Variants in SRGAP3 observed in about 807,000 individuals in gnomAD.
SRGAP3 encodes SLIT-ROBO Rho GTPase activating protein 3, also known as SLIT-ROBO Rho GTPase-activating protein 3.
Under a neutral mutation model 121.1 loss-of-function variants are expected in SRGAP3, and 39 were observed. The ratio of observed to expected loss-of-function variants is 0.32; its 90% CI spans 0.25 to 0.42. SRGAP3 has a LOEUF of 0.42. Among genes scored for constraint, SRGAP3 ranks in the 10% least tolerant of loss-of-function variants. The pLI, the probability that SRGAP3 is intolerant of heterozygous loss-of-function variation, is 1.00. For synonymous variants in SRGAP3, 601 were observed against 570.0 expected, an observed-to-expected ratio of 1.05 and a Z score of -0.77; for missense variants, 1,213 against 1,470.6, an observed-to-expected ratio of 0.82 and a Z score of 2.86.
chr3:8,998,011 A>G (rs1385429131), intron 18 of SRGAP3, among the ~76,000 whole-genome samples: 1 of 152,072 alleles, frequency 6.6e-6, no homozygotes, highest in Non-Finnish European at 1.5e-5. Context: ...CCTCCTGAGT[A>G]GCTGGGACCA....
chr3:9,176,167 G>T (rs1154384), intron 1 of SRGAP3, among the ~76,000 whole-genome samples: 31,195 of 152,028 alleles, frequency 0.21, 3,953 homozygotes, highest in Admixed American at 0.3. Context: ...TAATCCACCC[G>T]CCTCGGCCTC....
rs2292250 is a variant in SRGAP3 at position 9,047,494 on chromosome 3, A to G, written c.1324-19T>C. The G allele has an allele frequency of 0.055, 89,178 of 1,613,082 alleles. 3,013 individuals are homozygous for G. Among genetic ancestry groups the G allele is most frequent in the East Asian group, 0.12 (5,450 of 44,864 alleles). On this transcript the variant is annotated intron_variant, in intron 9 of 21. Transcript: ENST00000383836. ...TAAATTTCTGTAAGACACAAGGCACAAGGAAGTTATAGATTGCAAGGCCGA... is the reference window on the plus strand; with the variant it reads ...TAAATTTCTGTAAGACACAAGGCACGAGGAAGTTATAGATTGCAAGGCCGA...
chr3:9,002,476 T>C (rs1942827554), intron 18 of SRGAP3, among the ~76,000 whole-genome samples: 1 of 152,138 alleles, frequency 6.6e-6, no homozygotes, highest in Admixed American at 6.5e-5. Flanking sequence ...AATGCCTATA[T>C]TAGGGAAAAA....
At chr3:9,139,741 A>G (rs57885978) in intron 1 of SRGAP3, among the ~76,000 whole-genome samples, 5,220 of 152,320 alleles carry the variant, frequency 0.034, 265 homozygotes, top group African/African-American at 0.12. Context: ...GAAATCTCTG[A>G]AGAATTACAG....
chr3:9,122,636 G>A (rs1949052486), intron 2 of SRGAP3, among the ~76,000 whole-genome samples: 1 of 151,200 alleles, frequency 6.6e-6, no homozygotes, highest in Non-Finnish European at 1.5e-5. Flanking sequence ...TTGAACCTGG[G>A]AGGCGGAGCT....
chr3:9,125,042 C>T (rs1293470043), intron 1 of SRGAP3, 125 bp from the exon 2 acceptor site: 4 of 1,092,110 alleles, frequency 3.7e-6, no homozygotes, highest in Non-Finnish European at 5.4e-6. Flanking sequence ...CAGAGCCTCT[C>T]TGAGCCCAGC....
intron 1 of SRGAP3, chr3:9,236,141 T>G (rs1953401233): frequency 5.8e-6 from 1 of 171,276 alleles, no homozygotes; most frequent in Non-Finnish European, 1.3e-5. Context: ...ACCCTGACCC[T>G]TTTGTGACCC....
intron 3 of SRGAP3, among the ~76,000 whole-genome samples, chr3:9,278,694 G>A (rs568207061): frequency 1.9e-4 from 29 of 152,270 alleles, no homozygotes; most frequent in African/African-American, 6.3e-4. Flanking sequence ...CACAGCAGCC[G>A]GGTATCCTGG....
rs143769193 is a variant in SRGAP3, at chr3:9,083,052, G to C, written c.424-2965C>G. 5.4e-4 allele frequency among the ~76,000 whole-genome samples: 82 copies of C among 152,232 alleles called. 1 individual carries two copies. The East Asian group carries it at 0.013, about 23-fold the overall frequency. ...AACAGTGTCCTGTGATTTCTGTACT[G>C]GTGCTCTATGAACCCAATTAGCTAT... On this transcript the variant is annotated intron_variant, in intron 3 of 21. Coordinates refer to ENST00000383836, the MANE Select transcript of SRGAP3 (RefSeq NM_014850.4).
At chr3:9,260,173 C>T (rs554372480) in intron 3 of SRGAP3, among the ~76,000 whole-genome samples, 7 of 152,272 alleles carry the variant, frequency 4.6e-5, no homozygotes, top group Admixed American at 6.5e-5. Context: ...GAGATTCCCT[C>T]GGGTGCCTAC....
intron 1 of SRGAP3, among the ~76,000 whole-genome samples, chr3:9,189,541 A>C (rs1219196709): frequency 6.6e-6 from 1 of 152,212 alleles, no homozygotes; most frequent in African/African-American, 2.4e-5. Context: ...ACACACATCC[A>C]AACTGTATCA....
intron 1 of SRGAP3, among the ~76,000 whole-genome samples, chr3:9,180,918 C>G (rs1951374849): frequency 6.6e-6 from 1 of 152,188 alleles, no homozygotes; most frequent in African/African-American, 2.4e-5. Flanking sequence ...AGGAAGCTCA[C>G]AGTCTCACCA....
chr3:9,044,584 G>A (rs566572333), intron 10 of SRGAP3, among the ~76,000 whole-genome samples: 5 of 152,244 alleles, frequency 3.3e-5, no homozygotes, highest in Admixed American at 1.3e-4. Flanking sequence ...CATGGAAAGC[G>A]AAACCACAAA....
intron 1 of SRGAP3, among the ~76,000 whole-genome samples, chr3:9,214,720 CCTT>C (rs1381189340): frequency 1.3e-5 from 2 of 152,054 alleles, no homozygotes; most frequent in Admixed American, 1.3e-4. Context: ...CTTATGGCAT[CCTT>C]TGATTCAGAT....
At chr3:9,299,942 T>C (rs1215030694) in intron 3 of SRGAP3, among the ~76,000 whole-genome samples, 1 of 151,716 alleles carries the variant, frequency 6.6e-6, no homozygotes, top group Non-Finnish European at 1.5e-5. Context: ...CATAGCCAAA[T>C]TTCTCAGGGC....
At chr3:9,051,029 T>C (rs797000181) in intron 9 of SRGAP3, among the ~76,000 whole-genome samples, 1 of 128,614 alleles carries the variant, frequency 7.8e-6, no homozygotes, top group Non-Finnish European at 1.6e-5. Flanking sequence ...TTTTTTTTTT[T>C]TTTTTTTTTT....
At chr3:9,058,789 G>A (rs1451712409) in intron 6 of SRGAP3, 7 of 326,988 alleles carry the variant, frequency 2.1e-5, no homozygotes, top group South Asian at 6.6e-5. Flanking sequence ...GCACGATCTC[G>A]GCTCACTGCT....
chr3:9,158,809 T>C (rs550748813), intron 1 of SRGAP3, among the ~76,000 whole-genome samples: 2 of 152,236 alleles, frequency 1.3e-5, no homozygotes, highest in African/African-American at 4.8e-5. Context: ...TGACAACAGG[T>C]AAGCTCTCAC....
At chr3:9,024,165 G>A (rs750932368) in intron 14 of SRGAP3, among the ~76,000 whole-genome samples, 1 of 152,166 alleles carries the variant, frequency 6.6e-6, no homozygotes, top group Non-Finnish European at 1.5e-5. Flanking sequence ...TGTACTGCAA[G>A]TAAAGGGGTA....
Sources: gnomAD v4.1 joint callset for allele counts (sites outside exome capture counted in the v4.1 genomes callset) on GRCh38, gnomAD v4.1.1 for gene constraint, MANE v1.5 for transcripts, NCBI Gene and HGNC (gene_info 2026-07-23, HGNC 2026-07-21) for gene names.